Variants in WSB2 observed in about 807,000 individuals in gnomAD.
The protein encoded by WSB2 is WD repeat and SOCS box-containing protein 2.
In WSB2, 12 loss-of-function variants were observed where a neutral mutation model predicts 48.8. That is an observed-to-expected ratio of 0.25 (90% CI 0.16 to 0.40). The LOEUF (loss-of-function observed/expected upper bound fraction) is 0.40. Ranked by LOEUF, WSB2 falls within the 10% of genes least tolerant of loss-of-function variation. WSB2 has a pLI of 1.00. For synonymous variants in WSB2, 191 were observed against 203.1 expected (o/e 0.94, Z 0.51); for missense variants, 317 against 506.2 (o/e 0.63, Z 3.59).
chr12:118,047,458 A>C (rs1396191268), intron 2 of WSB2, among the ~76,000 whole-genome samples: 1 of 152,264 alleles, frequency 6.6e-6, no homozygotes, highest in Non-Finnish European at 1.5e-5. Flanking sequence ...TATTTGGTTA[A>C]TATCAATTAT....
chr12:118,041,293 A>G (rs754138879), intron 4 of WSB2, among the ~76,000 whole-genome samples: 1 of 152,156 alleles, frequency 6.6e-6, no homozygotes, highest in African/African-American at 2.4e-5. Context: ...AAGAGACATG[A>G]AAGAGAGAGA....
intron 2 of WSB2, among the ~76,000 whole-genome samples, chr12:118,050,668 A>T (rs2031833483): frequency 6.6e-6 from 1 of 152,130 alleles, no homozygotes; most frequent in African/African-American, 2.4e-5. Flanking sequence ...GAATAAAATA[A>T]ACTTGGTTGA....
intron 1 of WSB2, among the ~76,000 whole-genome samples, chr12:118,057,150 A>C (rs1161252437): frequency 6.6e-6 from 1 of 152,200 alleles, no homozygotes; most frequent in Admixed American, 6.5e-5. Context: ...AGCCCTAATT[A>C]GTGCAGAACT....
chr12:118,034,646 A>T (rs2031463516), intron 8 of WSB2: 1 of 491,516 alleles, frequency 2.0e-6, no homozygotes, highest in Admixed American at 3.7e-5. Context: ...ATAAGGGGGA[A>T]GAGTGCCACC....
intron 4 of WSB2, 56 bp downstream of exon 4, chr12:118,042,785 G>T (rs1201615545): frequency 6.3e-7 from 1 of 1,581,016 alleles, no homozygotes; most frequent in East Asian, 2.2e-5. Context: ...TGGTAAAGTG[G>T]AGAAAGCAAA....
At chr12:118,047,134 C>T (rs1361774445) in intron 2 of WSB2, among the ~76,000 whole-genome samples, 1 of 152,070 alleles carries the variant, frequency 6.6e-6, no homozygotes, top group African/African-American at 2.4e-5. Flanking sequence ...AGAATTAAGG[C>T]ATATTTATTA....
intron 5 of WSB2, among the ~76,000 whole-genome samples, chr12:118,037,678 A>AAAAGAAAAG: frequency 6.6e-6 from 1 of 151,462 alleles, no homozygotes; most frequent in South Asian, 2.1e-4. Context: ...AAAAAAAAAA[A>AAAAGAAAAG]AAAAGAAAAG....
chr12:118,059,781 G>C (rs556363977), intron 1 of WSB2, among the ~76,000 whole-genome samples: 1 of 152,176 alleles, frequency 6.6e-6, no homozygotes, highest in Non-Finnish European at 1.5e-5. Context: ...AGAATTCTAC[G>C]GGTAACACTC....
At chr12:118,037,590 C>T (rs2031541191) in intron 5 of WSB2, among the ~76,000 whole-genome samples, 1 of 151,756 alleles carries the variant, frequency 6.6e-6, no homozygotes, top group Admixed American at 6.6e-5. Flanking sequence ...ATCGCTTGAA[C>T]CCGGGAAGCG....
chr12:118,061,969 AT>A (rs1474901896), upstream of WSB2: 6 of 849,766 alleles, frequency 7.1e-6, no homozygotes, highest in Admixed American at 1.7e-4. Flanking sequence ...GGCTCCGGTA[AT>A]GGGAGAGGGA....
chr12:118,046,555 C>T (rs1156936633), intron 2 of WSB2, among the ~76,000 whole-genome samples: 1 of 152,036 alleles, frequency 6.6e-6, no homozygotes, highest in Non-Finnish European at 1.5e-5. Flanking sequence ...TCTGGCCAAA[C>T]AATCTGAATG....
In WSB2 at chr12:118,036,484, G is replaced by A. The variant is rs751103186; in HGVS notation, c.687C>T (p.Tyr229=). 1 of 1,613,946 alleles carries A rather than the reference G, an allele frequency of 6.2e-7. No homozygotes were observed. The highest frequency in any genetic ancestry group is 1.7e-5 in the Admixed American group (1 of 59,990). The stretch of plus-strand genomic sequence containing the variant: ...GGCCCTCTAGCTTCCGAATTAACGT[G>A]TAGGACCTCATGCTCCATAGAAAGA... ...KSVFLWSMRS[Y]TLIRKLEGHQ... is the part of the protein sequence containing the mutation. Residue 229 remains tyrosine, a synonymous_variant, in exon 6 of 9, where the codon TAC becomes TAT. Transcript: ENST00000315436.
chr12:118,053,410 C>G (rs1026807796), intron 1 of WSB2, among the ~76,000 whole-genome samples: 1 of 152,214 alleles, frequency 6.6e-6, no homozygotes, highest in Non-Finnish European at 1.5e-5. Flanking sequence ...CACCTAGATT[C>G]ACAACTAAGA....
At chr12:118,043,669 A>G (rs1489819072) in intron 2 of WSB2, among the ~76,000 whole-genome samples, 1 of 151,854 alleles carries the variant, frequency 6.6e-6, no homozygotes, top group Non-Finnish European at 1.5e-5. Context: ...CTGGTCTCAA[A>G]CTCCTGAGCT....
At chr12:118,046,479 A>G (rs1426227799) in intron 2 of WSB2, among the ~76,000 whole-genome samples, 8 of 152,004 alleles carry the variant, frequency 5.3e-5, no homozygotes, top group Non-Finnish European at 8.8e-5. Context: ...AAAAAAAAAA[A>G]AAAAGAAAGA....
At chr12:118,038,063 C>T (rs1372724864) in intron 5 of WSB2, 1 of 402,958 alleles carries the variant, frequency 2.5e-6, no homozygotes, top group Non-Finnish European at 4.4e-6. Context: ...TAAAGGGAAA[C>T]AGCCCTCTGA....
upstream of WSB2, chr12:118,061,182 C>G (rs1216504485): frequency 6.1e-6 from 6 of 983,270 alleles, no homozygotes; most frequent in African/African-American, 1.8e-5. Flanking sequence ...AGCTGCTTCC[C>G]GTCACATGGC....
chr12:118,052,105 G>A (rs2031864004), intron 2 of WSB2, among the ~76,000 whole-genome samples: 1 of 152,138 alleles, frequency 6.6e-6, no homozygotes, highest in South Asian at 2.1e-4. Context: ...ATAAAGCTAT[G>A]GGAAAAAAAG....
chr12:118,045,813 C>G (rs2031734234), intron 2 of WSB2, among the ~76,000 whole-genome samples: 1 of 152,072 alleles, frequency 6.6e-6, no homozygotes, highest in South Asian at 2.1e-4. Context: ...CTGAACTTAC[C>G]CTGCTTAGCT....
Sources: gnomAD v4.1 joint callset for allele counts (sites outside exome capture counted in the v4.1 genomes callset) on GRCh38, gnomAD v4.1.1 for gene constraint, MANE v1.5 for transcripts, NCBI Gene and HGNC (gene_info 2026-07-23, HGNC 2026-07-21) for gene names.